Variants in SCN8A observed in about 807,000 individuals in gnomAD.
SCN8A encodes sodium voltage-gated channel alpha subunit 8, also known as sodium channel protein type 8 subunit alpha.
SCN8A carries 30 observed loss-of-function variants against 184.1 expected under a neutral mutation model. The ratio of observed to expected loss-of-function variants is 0.16; its 90% CI spans 0.12 to 0.22. The LOEUF is 0.22. Among genes scored for constraint, SCN8A ranks in the 10% least tolerant of loss-of-function variants. SCN8A has a pLI of 1.00. For synonymous variants in SCN8A, 852 were observed against 907.0 expected, an observed-to-expected ratio of 0.94 and a Z score of 1.09; for missense variants, 1,057 against 2,498.9, an observed-to-expected ratio of 0.42 and a Z score of 12.30.
At chr12:51,615,086 A>T (rs145155807) in intron 1 of SCN8A, among the ~76,000 whole-genome samples, 63 of 151,706 alleles carry the variant, frequency 4.2e-4, no homozygotes, top group African/African-American at 1.4e-3. Context: ...GTGGTCTGTC[A>T]TTTTATTTGT....
intron 1 of SCN8A, among the ~76,000 whole-genome samples, chr12:51,629,969 G>A (rs1326126162): frequency 6.6e-6 from 1 of 152,130 alleles, no homozygotes; most frequent in Non-Finnish European, 1.5e-5. Context: ...GCAATTCTAT[G>A]GTGGAGGAGG....
intron 1 of SCN8A, among the ~76,000 whole-genome samples, chr12:51,654,425 C>G (rs1010154102): frequency 6.6e-6 from 1 of 152,134 alleles, no homozygotes; most frequent in Admixed American, 6.6e-5. Flanking sequence ...TCCAGTTTTG[C>G]CAGCAACATT....
intron 12 of SCN8A, among the ~76,000 whole-genome samples, chr12:51,741,680 A>G (rs1209348074): frequency 6.6e-6 from 1 of 151,930 alleles, no homozygotes; most frequent in African/African-American, 2.4e-5. Flanking sequence ...AATATTATTA[A>G]TGTCTCATAA....
chr12:51,691,225 C>G (rs934403665), intron 6 of SCN8A, among the ~76,000 whole-genome samples: 3 of 152,118 alleles, frequency 2.0e-5, no homozygotes, highest in African/African-American at 7.2e-5. Flanking sequence ...CCTGTGATCT[C>G]AAAACTTCTC....
At chr12:51,670,954 C>T (rs1941120616) in intron 2 of SCN8A, among the ~76,000 whole-genome samples, 1 of 152,030 alleles carries the variant, frequency 6.6e-6, no homozygotes, top group African/African-American at 2.4e-5. Context: ...GTTAGGGAAA[C>T]ACATAACAAA....
chr12:51,720,069 C>T (rs868752595), intron 11 of SCN8A, among the ~76,000 whole-genome samples: 3 of 115,768 alleles, frequency 2.6e-5, no homozygotes, highest in South Asian at 2.8e-4. Context: ...GAGCGAGACT[C>T]CGTCTCAAAA....
intron 11 of SCN8A, among the ~76,000 whole-genome samples, chr12:51,715,541 G>T (rs1281198624): frequency 6.6e-6 from 1 of 151,444 alleles, no homozygotes; most frequent in African/African-American, 2.4e-5. Flanking sequence ...GGCTGAGGTG[G>T]GCAGATCACT....
chr12:51,778,773 G>A (rs1324814930), intron 20 of SCN8A, among the ~76,000 whole-genome samples: 1 of 151,942 alleles, frequency 6.6e-6, no homozygotes, highest in Non-Finnish European at 1.5e-5. Context: ...TTTGTAGATT[G>A]TTTCTTTTTT....
chr12:51,800,264 A>C (rs1265051468), intron 26 of SCN8A, among the ~76,000 whole-genome samples: 2 of 152,260 alleles, frequency 1.3e-5, no homozygotes, highest in Non-Finnish European at 2.9e-5. Context: ...TTGCTCAAGC[A>C]ATGAAACCGC....
intron 12 of SCN8A, among the ~76,000 whole-genome samples, chr12:51,738,474 TCC>T (rs34939746): frequency 6.6e-6 from 1 of 152,220 alleles, no homozygotes; most frequent in African/African-American, 2.4e-5. Flanking sequence ...TTCCTGTATC[TCC>T]CAAACCTTTA....
At position 51,716,959 on chromosome 12, in the gene SCN8A, C is replaced by G. The variant is rs114874318; in HGVS notation, c.1636-4587C>G. 6.8e-3 allele frequency among the ~76,000 whole-genome samples: 1,042 copies of G among 152,318 alleles called. 9 individuals carry two copies. The highest frequency in any genetic ancestry group is 0.024 in the African/African-American group (999 of 41,562). ...CCAGATACCAGACAAGTAGTTACCA[C>G]CTCTGTAGGCCAGAGCCTTCCAAAA... On this transcript the variant is annotated intron_variant, in intron 11 of 26. Transcript: ENST00000627620.
chr12:51,671,820 A>G (rs1358172029), intron 2 of SCN8A, among the ~76,000 whole-genome samples: 3 of 152,220 alleles, frequency 2.0e-5, no homozygotes, highest in African/African-American at 7.2e-5. Context: ...CCATCATATG[A>G]CAATTTCTGC....
In SCN8A at chr12:51,746,041, T is replaced by C. The variant is rs751357161; in HGVS notation, c.2131+6T>C. ...TACAAATACACTAGTAGAAGGTATG[T>C]GCCCTATAATGTCAGTCCAACCGCT... On this transcript the variant is annotated splice_donor_region_variant and intron_variant, in intron 13 of 26. Transcript: ENST00000627620. 1 of 1,591,678 alleles carries C rather than the reference T, an allele frequency of 6.3e-7. No homozygotes were observed. The highest frequency in any genetic ancestry group is 8.5e-7 in the Non-Finnish European group (1 of 1,170,794).
At chr12:51,710,229 C>T (rs1268541853) in intron 11 of SCN8A, among the ~76,000 whole-genome samples, 4 of 152,148 alleles carry the variant, frequency 2.6e-5, no homozygotes, top group African/African-American at 4.8e-5. Context: ...CCCCTTAGTA[C>T]GGTTACAACC....
intron 22 of SCN8A, 82 bp from the exon 23 acceptor site, chr12:51,788,612 TA>T: frequency 1.9e-6 from 2 of 1,070,674 alleles, no homozygotes; most frequent in Non-Finnish European, 2.7e-6. Flanking sequence ...TCACTGAACC[TA>T]AGCCTGGCCT....
At chr12:51,643,596 T>C (rs1167680587) in intron 1 of SCN8A, among the ~76,000 whole-genome samples, 1 of 152,152 alleles carries the variant, frequency 6.6e-6, no homozygotes, top group Non-Finnish European at 1.5e-5. Context: ...AGAGAGCCAA[T>C]TGTTATTTTG....
chr12:51,661,721 C>A (rs1208512586), intron 1 of SCN8A, among the ~76,000 whole-genome samples: 1 of 152,192 alleles, frequency 6.6e-6, no homozygotes, highest in Non-Finnish European at 1.5e-5. Flanking sequence ...AAGCCCTAAG[C>A]CTTTCACAGT....
chr12:51,794,328 G>T, intron 25 of SCN8A, 43 bp from the exon 26 acceptor site: 1 of 1,574,322 alleles, frequency 6.4e-7, no homozygotes, highest in Admixed American at 1.8e-5. Flanking sequence ...GGCTTGGAAA[G>T]GTTTTCATGA....
chr12:51,777,718 CCA>C (rs1469856042), intron 20 of SCN8A, among the ~76,000 whole-genome samples: 1 of 152,158 alleles, frequency 6.6e-6, no homozygotes, highest in African/African-American at 2.4e-5. Context: ...CCTTCATTCT[CCA>C]CACTGTGGGC....
Sources: gnomAD v4.1 joint callset for allele counts (sites outside exome capture counted in the v4.1 genomes callset) on GRCh38, gnomAD v4.1.1 for gene constraint, MANE v1.5 for transcripts, NCBI Gene and HGNC (gene_info 2026-07-23, HGNC 2026-07-21) for gene names.